The following ZNF782 variants were observed in gnomAD, a reference collection of about 807,000 sequenced individuals.
ZNF782 encodes the protein zinc finger protein 782.
Under a neutral mutation model 13.0 loss-of-function variants are expected in ZNF782, and 12 were observed. The ratio of observed to expected loss-of-function variants is 0.92; its 90% confidence interval spans 0.59 to 1.50. The LOEUF (loss-of-function observed/expected upper bound fraction) is 1.50. ZNF782 is among the 40% of genes most tolerant of loss of function. The pLI is 0.00. For missense variants in ZNF782, 770 were observed against 822.9 expected, an observed-to-expected ratio of 0.94 and a Z score of 0.79; for synonymous variants, 284 against 283.0, an observed-to-expected ratio of 1.00 and a Z score of -0.04.
rs1851450612 is a variant in ZNF782, at chr9:96,850,270, T to G, written c.15+1677A>C. Among the ~76,000 whole-genome samples, 1 of 152,106 alleles carries G rather than the reference T, an allele frequency of 6.6e-6. No individual in the cohort carries two copies. The highest frequency in any genetic ancestry group is 2.4e-5 in the African/African-American group (1 of 41,420). ...GGAACCAACCTAAGTGCCCATGAAC[T>G]GAGTGGATAAAGAAAATGTGGTACC... On this transcript the variant is annotated intron_variant, in intron 3 of 5. Transcript: ENST00000481138. The surrounding 1 kb of genome is among the most constrained non-coding windows in gnomAD (Gnocchi z 4.3).
At chr9:96,894,001 A>G in the ZNF782 span, 3 of 129,766 alleles carry the variant, frequency 2.3e-5, no homozygotes, top group Non-Finnish European at 4.7e-5. Flanking sequence ...CTCCGTCTCA[A>G]AAAAAAAAAA....
At chr9:96,843,131 G>C (rs1181407068) in intron 4 of ZNF782, among the ~76,000 whole-genome samples, 1 of 152,112 alleles carries the variant, frequency 6.6e-6, no homozygotes, top group Non-Finnish European at 1.5e-5. Context: ...CTGGGAAATA[G>C]TTTGGCACTT....
chr9:96,862,161 CTT>C (rs888615510), intron 1 of ZNF782, among the ~76,000 whole-genome samples: 7 of 152,134 alleles, frequency 4.6e-5, no homozygotes, highest in African/African-American at 1.7e-4. Context: ...GAAAGACAAA[CTT>C]CACATGTTTT....
upstream of ZNF782, among the ~76,000 whole-genome samples, chr9:96,859,184 C>G (rs2118854951): frequency 6.6e-6 from 1 of 152,300 alleles, no homozygotes; most frequent in South Asian, 2.1e-4. Context: ...CCTTAATAAA[C>G]CTGAAAGGCT....
chr9:96,862,688 AT>A (rs772908292), intron 1 of ZNF782, among the ~76,000 whole-genome samples: 1 of 152,240 alleles, frequency 6.6e-6, no homozygotes, highest in Admixed American at 6.5e-5. Flanking sequence ...GCTAATAGCC[AT>A]TTTAGCAAAG....
At chr9:96,925,626 C>T in the ZNF782 span, among the ~76,000 whole-genome samples, 832 of 117,042 alleles carry the variant, frequency 7.1e-3, 6 homozygotes, top group Non-Finnish European at 0.011. Flanking sequence ...AAGACTCTAT[C>T]TCAAAAAAAA....
the ZNF782 span, among the ~76,000 whole-genome samples, chr9:96,933,262 C>G: frequency 0.018 from 2,695 of 150,422 alleles, 35 homozygotes; most frequent in African/African-American, 0.025. Context: ...GCAGGCATGA[C>G]CCACCGTGCC....
chr9:96,818,846 G>T lies in ZNF782; in HGVS notation c.1177C>A (p.Pro393Thr). Reference protein sequence around the residue: ...WPQKSHTGEKPYECPECGKAF... With the variant: ...WPQKSHTGEKTYECPECGKAF... ...TTCCCGCACTCAGGACATTCATAGG[G>T]TTTCTCCCCTGTGTGACTTTTCTGA... The change falls in exon 6 of 6, where the codon CCC becomes ACC. Residue 393 changes from proline to threonine, a missense_variant. Transcript: ENST00000481138. 1 of 1,614,138 alleles carries T rather than the reference G, an allele frequency of 6.2e-7. No individual in the cohort carries two copies. The highest frequency in any genetic ancestry group is 2.2e-5 in the East Asian group (1 of 44,882).
At chr9:96,894,625 T>C in the ZNF782 span, 1 of 152,360 alleles carries the variant, frequency 6.6e-6, no homozygotes, top group African/African-American at 2.4e-5. Flanking sequence ...TGCTATTGCA[T>C]TGGTCCCTGT....
intron 4 of ZNF782, among the ~76,000 whole-genome samples, chr9:96,841,947 T>C (rs926089051): frequency 3.3e-5 from 5 of 151,972 alleles, no homozygotes; most frequent in Non-Finnish European, 7.4e-5. Context: ...TGATAGCTTA[T>C]GTTAAAAAAT....
At chr9:96,866,492 CAA>C (rs912043564) in intron 1 of ZNF782, among the ~76,000 whole-genome samples, 1 of 152,174 alleles carries the variant, frequency 6.6e-6, no homozygotes, top group African/African-American at 2.4e-5. Flanking sequence ...GATGACCAAG[CAA>C]AAGTTTGCTG....
chr9:96,862,568 C>G (rs555232450), intron 1 of ZNF782, among the ~76,000 whole-genome samples: 1 of 152,078 alleles, frequency 6.6e-6, no homozygotes, highest in Non-Finnish European at 1.5e-5. Flanking sequence ...ACAAGTGAAG[C>G]GAGGCTTCTT....
At chr9:96,860,515 A>C (rs1160488796) in intron 2 of ZNF782, 1 of 152,252 alleles carries the variant, frequency 6.6e-6, no homozygotes, top group African/African-American at 2.4e-5. Context: ...ATCCAAGACC[A>C]CCAATGTGGT....
chr9:96,880,123 T>C (rs567492844), upstream of ZNF782, among the ~76,000 whole-genome samples: 94 of 152,306 alleles, frequency 6.2e-4, 1 homozygote, highest in African/African-American at 2.2e-3. Context: ...TTGATATTTA[T>C]GTGTTGGCTT....
At chr9:96,822,778 T>TC (rs1214592759) in intron 5 of ZNF782, among the ~76,000 whole-genome samples, 3 of 152,190 alleles carry the variant, frequency 2.0e-5, no homozygotes, top group Admixed American at 6.5e-5. Context: ...GCATGTTTTT[T>TC]ATCTTTGAAA....
Position 96,818,956 on chromosome 9 carries a change from T to G in ZNF782, c.1067A>C (p.His356Pro). ...TTTTGCCCTTATGTGAACCTTCTGA[T>G]GTACACTGAAAGTTGACTGGTAGCT... ...TFSYQSTFSV[H>P]QKVHIRAKPY... Residue 356 changes from histidine (H) to proline (P), a missense_variant, in exon 6 of 6, where the codon CAT becomes CCT. By Grantham distance (77) the His-to-Pro change is moderately conservative. Coordinates refer to ENST00000481138, the MANE Select transcript of ZNF782 (RefSeq NM_001001662.3). The G allele has an allele frequency of 6.2e-7, 1 of 1,614,214 alleles. No individual in the cohort carries two copies. Among genetic ancestry groups the G allele is most frequent in the Non-Finnish European group, 8.5e-7 (1 of 1,180,032 alleles).
chr9:96,875,790 G>A (rs1851885924), upstream of ZNF782, among the ~76,000 whole-genome samples: 3 of 152,254 alleles, frequency 2.0e-5, no homozygotes, highest in Admixed American at 1.3e-4. Context: ...GTTTCCCCGC[G>A]TCCCACTTCA....
chr9:96,896,681 C>T, the ZNF782 span, among the ~76,000 whole-genome samples: 2 of 152,164 alleles, frequency 1.3e-5, no homozygotes, highest in African/African-American at 2.4e-5. Flanking sequence ...ACCTATTTGC[C>T]AAGTGACCCA....
At chr9:96,897,716 C>G in the ZNF782 span, among the ~76,000 whole-genome samples, 1 of 150,844 alleles carries the variant, frequency 6.6e-6, no homozygotes, top group South Asian at 2.1e-4. Context: ...CCTCATTTCT[C>G]TTTTGTTCTG....
Sources: gnomAD v4.1 joint callset for allele counts (sites outside exome capture counted in the v4.1 genomes callset) on GRCh38, gnomAD v4.1.1 for gene constraint, Gnocchi (gnomAD v3.1) non-coding constraint, MANE v1.5 for transcripts, NCBI Gene and HGNC (gene_info 2026-07-23, HGNC 2026-07-21) for gene names.